Variants in ADAM12 observed in about 807,000 individuals in gnomAD.
ADAM12 encodes disintegrin and metalloproteinase domain-containing protein 12.
A neutral mutation model predicts 106.4 loss-of-function variants in ADAM12; 70 were observed. The observed-to-expected ratio is 0.66, with a 90% CI of 0.54 to 0.80. ADAM12 has a LOEUF of 0.80. ADAM12 is among the 30% of genes least tolerant of loss of function. ADAM12 has a pLI of 0.00. For missense variants in ADAM12, 1,010 were observed against 1,171.9 expected (o/e 0.86, Z 2.02); for synonymous variants, 420 against 433.5 (o/e 0.97, Z 0.39).
intron 1 of ADAM12, among the ~76,000 whole-genome samples, chr10:126,331,092 T>A (rs951804709): frequency 6.6e-6 from 1 of 152,272 alleles, no homozygotes; most frequent in Non-Finnish European, 1.5e-5. Flanking sequence ...TATTATATGA[T>A]CTTGTTTCTT....
rs200106066 is a variant in ADAM12, at chr10:126,064,784, C to G, written c.1609+22G>C. The G allele has an allele frequency of 1.3e-6, 2 of 1,582,110 alleles. No individual in the cohort carries two copies. Among genetic ancestry groups the G allele is most frequent in the Non-Finnish European group, 1.7e-6 (2 of 1,164,866 alleles). ...GGTCTGCCAGTGCCTCTCCTGATGC[C>G]GAGCTTGTGGCGGCCACGTACCTGG... On this transcript the variant is annotated intron_variant, in intron 14 of 22. Coordinates refer to ENST00000448723, the MANE Select transcript of ADAM12 (RefSeq NM_001288973.2). The surrounding 1 kb of genome is among the most constrained non-coding windows in gnomAD (Gnocchi z 4.4).
At chr10:126,279,073 A>T (rs1218222715) in intron 2 of ADAM12, 85 bp from the exon 3 acceptor site, 2 of 992,558 alleles carry the variant, frequency 2.0e-6, no homozygotes, top group Non-Finnish European at 3.1e-6. Flanking sequence ...GCGTAGTCAA[A>T]TGAGGGAATA....
intron 1 of ADAM12, among the ~76,000 whole-genome samples, chr10:126,360,437 T>C (rs772926312): frequency 1.3e-5 from 2 of 152,214 alleles, no homozygotes; most frequent in South Asian, 2.1e-4. Context: ...TTGAATGCTA[T>C]GCTGCTTAGA....
At chr10:126,034,534 A>G (rs1434004880) in intron 21 of ADAM12, among the ~76,000 whole-genome samples, 2 of 152,116 alleles carry the variant, frequency 1.3e-5, no homozygotes, top group Non-Finnish European at 2.9e-5. Context: ...AACAAACAGA[A>G]TAATATTAAC....
intron 4 of ADAM12, among the ~76,000 whole-genome samples, chr10:126,148,713 A>T (rs1211217288): frequency 6.6e-6 from 1 of 152,224 alleles, no homozygotes; most frequent in African/African-American, 2.4e-5. Flanking sequence ...TCAGATGAAG[A>T]TCAAAATACA....
At chr10:126,224,486 G>A (rs1171713212) in intron 3 of ADAM12, among the ~76,000 whole-genome samples, 3 of 151,758 alleles carry the variant, frequency 2.0e-5, no homozygotes, top group South Asian at 2.1e-4. Flanking sequence ...GCACAGGAAG[G>A]ATGGACAGTG....
At chr10:126,057,405 A>AC (rs1323273315) in intron 14 of ADAM12, among the ~76,000 whole-genome samples, 1 of 31,868 alleles carries the variant, frequency 3.1e-5, no homozygotes, top group African/African-American at 9.1e-5. Context: ...AAAAACAAAA[A>AC]AAAAAAACAA....
intron 3 of ADAM12, among the ~76,000 whole-genome samples, chr10:126,199,597 G>C (rs1284349603): frequency 6.6e-6 from 1 of 152,172 alleles, no homozygotes; most frequent in African/African-American, 2.4e-5. Context: ...CTGCTTCCCA[G>C]AGTGTGTCTC....
intron 1 of ADAM12, among the ~76,000 whole-genome samples, chr10:126,364,149 T>TAAAA (rs903669274): frequency 6.6e-6 from 1 of 151,298 alleles, no homozygotes; most frequent in Admixed American, 6.6e-5. Flanking sequence ...CTTTTTTTTT[T>TAAAA]AAAAAAATCT....
intron 2 of ADAM12, among the ~76,000 whole-genome samples, chr10:126,323,111 T>A (rs1371930951): frequency 6.6e-6 from 1 of 152,166 alleles, no homozygotes; most frequent in Admixed American, 6.5e-5. Flanking sequence ...TATGATGATA[T>A]CTATTCCACA....
chr10:126,290,592 C>G (rs1475881441), intron 2 of ADAM12, among the ~76,000 whole-genome samples: 6 of 152,214 alleles, frequency 3.9e-5, no homozygotes, highest in Non-Finnish European at 7.3e-5. Context: ...CACAGCATGA[C>G]AGTGACAAGA....
intron 3 of ADAM12, among the ~76,000 whole-genome samples, chr10:126,191,546 G>T (rs373527761): frequency 6.6e-5 from 10 of 151,158 alleles, no homozygotes; most frequent in South Asian, 4.2e-4. Flanking sequence ...GATCAGAGGG[G>T]GTGGGTAAGG....
At chr10:126,040,371 C>T (rs550366808) in intron 18 of ADAM12, among the ~76,000 whole-genome samples, 10 of 152,198 alleles carry the variant, frequency 6.6e-5, no homozygotes, top group South Asian at 2.1e-4. Flanking sequence ...TGCTGGTGAT[C>T]GCCGTGATGC....
intron 1 of ADAM12, among the ~76,000 whole-genome samples, chr10:126,369,337 C>T (rs1856029582): frequency 6.6e-6 from 1 of 152,194 alleles, no homozygotes; most frequent in Non-Finnish European, 1.5e-5. Context: ...TGGATGTGGT[C>T]TCTGTCACCA....
chr10:126,194,024 T>C (rs1957552954), intron 3 of ADAM12, among the ~76,000 whole-genome samples: 1 of 152,100 alleles, frequency 6.6e-6, no homozygotes, highest in South Asian at 2.1e-4. Context: ...TTGTACAGCC[T>C]GAAATGCGTT....
chr10:126,207,466 G>C (rs1431351506), intron 3 of ADAM12, among the ~76,000 whole-genome samples: 1 of 152,330 alleles, frequency 6.6e-6, no homozygotes, highest in East Asian at 1.9e-4. Context: ...AATGATTTAA[G>C]AGAACATTCT....
At chr10:126,356,852 A>G (rs576306992) in intron 1 of ADAM12, among the ~76,000 whole-genome samples, 1 of 152,354 alleles carries the variant, frequency 6.6e-6, no homozygotes, top group Non-Finnish European at 1.5e-5. Context: ...AAAATGCAAT[A>G]GAAAGCTTCA....
intron 3 of ADAM12, among the ~76,000 whole-genome samples, chr10:126,243,854 A>T (rs1049763476): frequency 6.6e-6 from 1 of 152,232 alleles, no homozygotes; most frequent in Admixed American, 6.5e-5. Context: ...GGGATGGCAC[A>T]GACATTGACA....
chr10:126,275,144 G>A (rs1366879353), intron 3 of ADAM12, among the ~76,000 whole-genome samples: 1 of 152,172 alleles, frequency 6.6e-6, no homozygotes, highest in African/African-American at 2.4e-5. Flanking sequence ...GAGATGTAAG[G>A]AACGTGATCT....
Sources: gnomAD v4.1 joint callset for allele counts (sites outside exome capture counted in the v4.1 genomes callset) on GRCh38, gnomAD v4.1.1 for gene constraint, Gnocchi (gnomAD v3.1) non-coding constraint, MANE v1.5 for transcripts, NCBI Gene and HGNC (gene_info 2026-07-23, HGNC 2026-07-21) for gene names.